PALMD: variants seen among roughly 807,000 people sequenced by gnomAD.
PALMD encodes the protein palmdelphin.
PALMD carries 42 observed loss-of-function variants against 56.2 expected under a neutral mutation model. That is an observed-to-expected ratio of 0.75 (90% CI 0.58 to 0.97). The LOEUF is 0.97. PALMD is among the 50% of genes least tolerant of loss of function. The probability of loss-of-function intolerance (pLI) is 0.00; values close to 1 mark genes in which losing one functional copy is unlikely to be tolerated. For missense variants in PALMD, 660 were observed against 643.8 expected, an observed-to-expected ratio of 1.03 and a Z score of -0.27; for synonymous variants, 242 against 222.9, an observed-to-expected ratio of 1.09 and a Z score of -0.76.
chr1:99,677,798 G>A (rs886347925), intron 3 of PALMD, among the ~76,000 whole-genome samples: 8 of 152,190 alleles, frequency 5.3e-5, no homozygotes, highest in African/African-American at 1.2e-4. Context: ...GGGATGGGGT[G>A]TGGAGAGAGG....
At chr1:99,658,149 C>G (rs555169562) in intron 1 of PALMD, among the ~76,000 whole-genome samples, 10 of 151,798 alleles carry the variant, frequency 6.6e-5, no homozygotes, top group African/African-American at 2.4e-4. Flanking sequence ...ACTAAAAATA[C>G]AAAAATTACC....
chr1:99,658,636 T>C (rs1267869171), intron 1 of PALMD, among the ~76,000 whole-genome samples: 1 of 151,986 alleles, frequency 6.6e-6, no homozygotes, highest in Non-Finnish European at 1.5e-5. Context: ...CCGCGTGTGG[T>C]GGCGGGCGCC....
chr1:99,673,614 T>C (rs992324146), intron 3 of PALMD, among the ~76,000 whole-genome samples: 7 of 152,224 alleles, frequency 4.6e-5, no homozygotes, highest in Admixed American at 2.0e-4. Flanking sequence ...TCACTCTCCA[T>C]ATTTGACTAA....
At chr1:99,675,935 GGA>G in intron 3 of PALMD, among the ~76,000 whole-genome samples, 1 of 152,236 alleles carries the variant, frequency 6.6e-6, no homozygotes, top group Middle Eastern at 3.4e-3. Flanking sequence ...AGTTATATTA[GGA>G]GATGAGATTC....
In PALMD at chr1:99,672,379, G is replaced by T. The variant is rs186664324; in HGVS notation, c.251+4613G>T. On this transcript the variant is annotated intron_variant, in intron 3 of 7. Transcript: ENST00000263174. ...AATTTGCCTCCCAAAAGAGCCCTGCGCTTACTGCGACCACTGAACCATTTA... is the reference window on the plus strand; with the variant it reads ...AATTTGCCTCCCAAAAGAGCCCTGCTCTTACTGCGACCACTGAACCATTTA... 5.0e-4 allele frequency among the ~76,000 whole-genome samples: 76 copies of T among 152,198 alleles called. No individual in the cohort carries two copies. In the East Asian group the frequency reaches 0.013, roughly 26 times the overall value.
chr1:99,685,911 G>A (rs1393983341), intron 3 of PALMD: 1 of 152,170 alleles, frequency 6.6e-6, no homozygotes, highest in Non-Finnish European at 1.5e-5. Context: ...ATTTGAATCT[G>A]ACACGCAGCT....
At chr1:99,653,376 T>C (rs910447891) in intron 1 of PALMD, among the ~76,000 whole-genome samples, 2 of 152,286 alleles carry the variant, frequency 1.3e-5, no homozygotes, top group East Asian at 1.9e-4. Context: ...GTTTTGTCAC[T>C]ATTTGTTAGA....
chr1:99,667,425 A>G (rs1348993125), intron 2 of PALMD, among the ~76,000 whole-genome samples: 1 of 152,182 alleles, frequency 6.6e-6, no homozygotes, highest in Non-Finnish European at 1.5e-5. Flanking sequence ...TAAACCTTGA[A>G]GTATAAATGG....
At chr1:99,667,822 T>C in intron 3 of PALMD, 56 bp downstream of exon 3, 2 of 1,489,362 alleles carry the variant, frequency 1.3e-6, no homozygotes, top group Non-Finnish European at 1.9e-6. Context: ...TTATCCCATG[T>C]TGTGCATAGA....
chr1:99,662,531 A>G (rs765073732), intron 2 of PALMD, 132 bp downstream of exon 2: 36 of 651,690 alleles, frequency 5.5e-5, no homozygotes, highest in Middle Eastern at 4.1e-4. Context: ...TGTAATAACC[A>G]TAGGGGAGGC....
intron 1 of PALMD, 45 bp downstream of exon 1, chr1:99,646,407 G>A: frequency 6.7e-7 from 1 of 1,501,794 alleles, no homozygotes; most frequent in Non-Finnish European, 9.3e-7. Context: ...GTTACTTAGA[G>A]GAAGGCAGAC....
chr1:99,652,817 G>A (rs561651401), intron 1 of PALMD, among the ~76,000 whole-genome samples: 90 of 152,210 alleles, frequency 5.9e-4, no homozygotes, highest in East Asian at 9.6e-4. Context: ...AGAAACTATG[G>A]AGGGTCTGCT....
At chr1:99,674,886 A>G (rs1400952653) in intron 3 of PALMD, among the ~76,000 whole-genome samples, 1 of 152,222 alleles carries the variant, frequency 6.6e-6, no homozygotes, top group Admixed American at 6.5e-5. Flanking sequence ...GACTCATTGT[A>G]ATAGAGAAAG....
At chr1:99,669,984 G>C (rs1653048926) in intron 3 of PALMD, among the ~76,000 whole-genome samples, 1 of 152,210 alleles carries the variant, frequency 6.6e-6, no homozygotes, top group Non-Finnish European at 1.5e-5. Context: ...CTAGGAAGTG[G>C]GAGGTCAGGG....
At chr1:99,659,868 C>T (rs1228040159) in intron 1 of PALMD, among the ~76,000 whole-genome samples, 5 of 152,152 alleles carry the variant, frequency 3.3e-5, no homozygotes, top group Non-Finnish European at 7.4e-5. Flanking sequence ...CCCTGAGTGA[C>T]AAAACATTAG....
At position 99,687,145 on chromosome 1, in the gene PALMD, A is replaced by G; in HGVS notation, c.470A>G (p.Lys157Arg). 6.2e-7 allele frequency: 1 copy of G among 1,605,330 alleles called. No individual in the cohort carries two copies. The highest frequency in any genetic ancestry group is 8.5e-7 in the Non-Finnish European group (1 of 1,172,900). Residue 157 changes from lysine to arginine, a missense_variant, in exon 6 of 8, where the codon AAG (lysine) becomes AGG (arginine). Transcript: ENST00000263174. ...TCCTACATACCTTCTAGGTTAAGGA[A>G]GGAGATAAATGAAGAAAAAGAAGAT... ...PKSYIPSRLR[K>R]EINEEKEDDE...
intron 7 of PALMD, among the ~76,000 whole-genome samples, chr1:99,693,444 A>G (rs925906110): frequency 6.6e-6 from 1 of 152,218 alleles, no homozygotes. Context: ...ATCCAAAAAG[A>G]TATATTTGCC....
intron 1 of PALMD, among the ~76,000 whole-genome samples, chr1:99,648,645 G>C (rs1652495386): frequency 6.6e-6 from 1 of 150,924 alleles, no homozygotes; most frequent in Non-Finnish European, 1.5e-5. Context: ...GCAACACATA[G>C]ACCTCACTTT....
intron 3 of PALMD, among the ~76,000 whole-genome samples, chr1:99,674,030 T>C (rs775384196): frequency 6.6e-6 from 1 of 152,182 alleles, no homozygotes; most frequent in Non-Finnish European, 1.5e-5. Flanking sequence ...CATCCAGCTA[T>C]TTTGAGTCAA....
Sources: allele counts gnomAD v4.1 joint callset (sites outside exome capture counted in the v4.1 genomes callset), GRCh38; gene constraint gnomAD v4.1.1; transcripts MANE v1.5; gene names NCBI Gene and HGNC (gene_info 2026-07-23, HGNC 2026-07-21).